The following CNTNAP5 variants were observed in gnomAD, a reference collection of about 807,000 sequenced individuals.
CNTNAP5 encodes the protein contactin-associated protein-like 5.
A neutral mutation model predicts 150.2 loss-of-function variants in CNTNAP5; 72 were observed. The observed-to-expected ratio is 0.48, with a 90% CI of 0.40 to 0.58. CNTNAP5 has a LOEUF of 0.58. Among genes scored for constraint, CNTNAP5 ranks in the 20% least tolerant of loss-of-function variants. The pLI, the probability that CNTNAP5 is intolerant of heterozygous loss-of-function variation, is 0.00. For missense variants in CNTNAP5, 1,636 were observed against 1,626.2 expected, an observed-to-expected ratio of 1.01 and a Z score of -0.10; for synonymous variants, 672 against 619.8, an observed-to-expected ratio of 1.08 and a Z score of -1.25.
intron 13 of CNTNAP5, among the ~76,000 whole-genome samples, chr2:124,715,426 C>T (rs571929243): frequency 6.6e-5 from 10 of 152,022 alleles, no homozygotes; most frequent in Non-Finnish European, 1.3e-4. Context: ...TGTCATCCCC[C>T]CAAAGCTAAA....
chr2:124,489,059 A>G (rs1317645631), intron 7 of CNTNAP5, among the ~76,000 whole-genome samples: 1 of 152,182 alleles, frequency 6.6e-6, no homozygotes, highest in Non-Finnish European at 1.5e-5. Context: ...TCCATTGTTT[A>G]AAGTTCACAA....
intron 8 of CNTNAP5, among the ~76,000 whole-genome samples, chr2:124,511,580 G>A (rs1455128680): frequency 2.0e-5 from 3 of 152,186 alleles, no homozygotes. Flanking sequence ...GATCAGTCTA[G>A]AATCATGGAT....
intron 14 of CNTNAP5, among the ~76,000 whole-genome samples, chr2:124,752,272 C>A (rs1369682605): frequency 2.6e-5 from 4 of 152,078 alleles, no homozygotes; most frequent in Non-Finnish European, 5.9e-5. Flanking sequence ...CCAGGCTGTT[C>A]TTGAACTCCT....
chr2:124,576,490 C>G (rs1288351586), intron 11 of CNTNAP5, among the ~76,000 whole-genome samples: 4 of 152,146 alleles, frequency 2.6e-5, no homozygotes, highest in Admixed American at 1.3e-4. Flanking sequence ...TTAGGGATAC[C>G]TGCAGCTCAC....
intron 3 of CNTNAP5, among the ~76,000 whole-genome samples, chr2:124,416,284 T>C (rs1691915200): frequency 6.6e-6 from 1 of 152,114 alleles, no homozygotes; most frequent in Admixed American, 6.6e-5. Context: ...TTTTGGGGTA[T>C]CATTTTCTGA....
At chr2:124,643,357 G>A (rs1005513719) in intron 12 of CNTNAP5, among the ~76,000 whole-genome samples, 6 of 152,182 alleles carry the variant, frequency 3.9e-5, no homozygotes, top group Non-Finnish European at 8.8e-5. Context: ...GTAGCAAAAA[G>A]TAGTATCAGA....
intron 3 of CNTNAP5, among the ~76,000 whole-genome samples, chr2:124,368,819 T>G (rs1313615353): frequency 1.3e-5 from 2 of 152,082 alleles, no homozygotes; most frequent in African/African-American, 4.8e-5. Context: ...CAAAAAATAT[T>G]TATTTATATA....
intron 19 of CNTNAP5, among the ~76,000 whole-genome samples, chr2:124,808,603 A>G (rs1352295858): frequency 2.0e-5 from 3 of 151,752 alleles, no homozygotes; most frequent in African/African-American, 7.3e-5. Context: ...AAAAAAAAAG[A>G]CAAAGCAATC....
At chr2:124,814,073 T>C (rs1159833645) in intron 19 of CNTNAP5, among the ~76,000 whole-genome samples, 1 of 151,960 alleles carries the variant, frequency 6.6e-6, no homozygotes, top group East Asian at 1.9e-4. Context: ...ACCTCTAAAC[T>C]CTCCTCAATC....
chr2:124,327,643 A>T (rs1018400164), intron 3 of CNTNAP5, among the ~76,000 whole-genome samples: 4 of 152,220 alleles, frequency 2.6e-5, no homozygotes, highest in Non-Finnish European at 5.9e-5. Context: ...TAACCCAGAC[A>T]TTCCTTTCTA....
intron 22 of CNTNAP5, among the ~76,000 whole-genome samples, chr2:124,904,078 A>AAC (rs1281367618): frequency 1.9e-4 from 29 of 149,768 alleles, no homozygotes; most frequent in Non-Finnish European, 3.3e-4. Context: ...AAAAAAAAAA[A>AAC]CCAAAATGTA....
chr2:124,750,974 C>T (rs111611730), intron 14 of CNTNAP5, among the ~76,000 whole-genome samples: 10,573 of 121,068 alleles, frequency 0.087, 500 homozygotes, highest in Admixed American at 0.12. Flanking sequence ...CAGATTGAGA[C>T]TCCATCTCAA....
At chr2:124,773,115 A>G (rs1681242867) in intron 17 of CNTNAP5, 98 bp downstream of exon 17, 1 of 848,320 alleles carries the variant, frequency 1.2e-6, no homozygotes, top group East Asian at 2.4e-5. Context: ...GATCTGGGAT[A>G]TGATCAAAAT....
At chr2:124,559,531 G>A (rs2047877) in intron 10 of CNTNAP5, among the ~76,000 whole-genome samples, 30,978 of 152,082 alleles carry the variant, frequency 0.2, 4,202 homozygotes, top group East Asian at 0.62. Flanking sequence ...ATGCAATATC[G>A]TTAGGATTTT....
intron 23 of CNTNAP5, among the ~76,000 whole-genome samples, chr2:124,913,051 AT>A (rs1422747130): frequency 3.3e-5 from 5 of 152,104 alleles, no homozygotes; most frequent in African/African-American, 1.2e-4. Flanking sequence ...TCTAAAAAAA[AT>A]TGGTGGAAGA....
At chr2:124,361,882 G>A (rs1690211813) in intron 3 of CNTNAP5, among the ~76,000 whole-genome samples, 1 of 152,014 alleles carries the variant, frequency 6.6e-6, no homozygotes, top group Non-Finnish European at 1.5e-5. Context: ...GCAAGCCTGG[G>A]CAATGGCGGG....
At chr2:124,691,441 A>G (rs1352769323) in intron 13 of CNTNAP5, among the ~76,000 whole-genome samples, 1 of 152,104 alleles carries the variant, frequency 6.6e-6, no homozygotes, top group East Asian at 1.9e-4. Context: ...TTAGGGGAGA[A>G]TAAGAGGCCA....
chr2:124,324,821 G>T (rs901885232), intron 3 of CNTNAP5, among the ~76,000 whole-genome samples: 3 of 152,132 alleles, frequency 2.0e-5, no homozygotes, highest in Admixed American at 6.5e-5. Flanking sequence ...TGGAAAAGGG[G>T]CATTTTATAA....
intron 12 of CNTNAP5, among the ~76,000 whole-genome samples, chr2:124,612,691 G>T (rs1246613294): frequency 6.6e-6 from 1 of 152,106 alleles, no homozygotes; most frequent in Admixed American, 6.5e-5. Flanking sequence ...TTTTGAATAT[G>T]ATTTTTTTGG....
Sources: allele counts gnomAD v4.1 joint callset (sites outside exome capture counted in the v4.1 genomes callset), GRCh38; gene constraint gnomAD v4.1.1; transcripts MANE v1.5; gene names NCBI Gene and HGNC (gene_info 2026-07-23, HGNC 2026-07-21).